SORCS2: variants seen among roughly 807,000 people sequenced by gnomAD.
SORCS2 encodes the protein sortilin related VPS10 domain containing receptor 2.
In SORCS2, 100 loss-of-function variants were observed where a neutral mutation model predicts 141.6. The ratio of observed to expected loss-of-function variants is 0.71; its 90% CI spans 0.60 to 0.83. The LOEUF (loss-of-function observed/expected upper bound fraction) is 0.83. SORCS2 is among the 40% of genes least tolerant of loss of function. The pLI is 0.00. For synonymous variants in SORCS2, 789 were observed against 676.9 expected (o/e 1.17, Z -2.57); for missense variants, 1,646 against 1,560.2 (o/e 1.05, Z -0.93).
At chr4:7,537,970 A>C (rs2109570456) in intron 3 of SORCS2, among the ~76,000 whole-genome samples, 1 of 152,340 alleles carries the variant, frequency 6.6e-6, no homozygotes, top group East Asian at 1.9e-4. Context: ...TGGGCGACAC[A>C]GTGAGACACT....
chr4:7,601,949 T>A (rs946015073), intron 3 of SORCS2, among the ~76,000 whole-genome samples: 6 of 152,080 alleles, frequency 3.9e-5, no homozygotes. Context: ...TAACCCTGAG[T>A]GGACACAGCA....
At chr4:7,599,823 C>CT (rs1370483227) in intron 3 of SORCS2, among the ~76,000 whole-genome samples, 12,263 of 139,030 alleles carry the variant, frequency 0.088, 694 homozygotes, top group African/African-American at 0.16. Flanking sequence ...TTTCTTTTTT[C>CT]TTTTTTTTTT....
chr4:7,355,685 C>T (rs1233293443), intron 1 of SORCS2, among the ~76,000 whole-genome samples: 1 of 152,160 alleles, frequency 6.6e-6, no homozygotes, highest in Non-Finnish European at 1.5e-5. Flanking sequence ...AGGGTCTGGG[C>T]CCCCAGAGCG....
intron 3 of SORCS2, among the ~76,000 whole-genome samples, chr4:7,545,815 G>A (rs551030651): frequency 4.6e-5 from 7 of 152,314 alleles, no homozygotes; most frequent in South Asian, 2.1e-4. Flanking sequence ...CTCTGCCTCC[G>A]TCAGCTCGGA....
chr4:7,688,224 G>T (rs1483102928), intron 10 of SORCS2, among the ~76,000 whole-genome samples: 1 of 152,176 alleles, frequency 6.6e-6, no homozygotes, highest in East Asian at 1.9e-4. Context: ...ATACCGCAAT[G>T]ACGAGGGGAT....
chr4:7,713,452 C>T (rs1035599536), intron 15 of SORCS2, among the ~76,000 whole-genome samples: 3 of 151,776 alleles, frequency 2.0e-5, no homozygotes, highest in Admixed American at 1.3e-4. Context: ...TGTTAAAGCG[C>T]GGGGTGGAAG....
chr4:7,249,899 C>T (rs902293871), intron 1 of SORCS2, among the ~76,000 whole-genome samples: 5 of 152,146 alleles, frequency 3.3e-5, no homozygotes, highest in African/African-American at 9.7e-5. Context: ...GCCCACGGTG[C>T]GTGTGAGCAT....
intron 2 of SORCS2, among the ~76,000 whole-genome samples, chr4:7,517,948 A>G (rs1733091654): frequency 1.3e-5 from 2 of 152,248 alleles, no homozygotes; most frequent in African/African-American, 4.8e-5. Context: ...ATAATGCCAC[A>G]CACGCTGGAC....
chr4:7,412,277 C>T (rs1228739132), intron 2 of SORCS2, among the ~76,000 whole-genome samples: 1 of 152,222 alleles, frequency 6.6e-6, no homozygotes, highest in Non-Finnish European at 1.5e-5. Flanking sequence ...CCGATGGCCA[C>T]CCCCTGGAGT....
intron 2 of SORCS2, among the ~76,000 whole-genome samples, chr4:7,456,364 G>T (rs1728911244): frequency 6.6e-6 from 1 of 152,208 alleles, no homozygotes; most frequent in Admixed American, 6.5e-5. Context: ...CTTCTGCTGA[G>T]GGAAATCACA....
At chr4:7,391,170 A>T (rs1723835594) in intron 1 of SORCS2, among the ~76,000 whole-genome samples, 1 of 152,078 alleles carries the variant, frequency 6.6e-6, no homozygotes, top group African/African-American at 2.4e-5. Flanking sequence ...AGAAGTGCCC[A>T]CTCTGCCAGG....
At chr4:7,556,661 T>TATCC (rs745799254) in intron 3 of SORCS2, among the ~76,000 whole-genome samples, 1 of 151,730 alleles carries the variant, frequency 6.6e-6, no homozygotes, top group African/African-American at 2.4e-5. Flanking sequence ...CCCATCCATC[T>TATCC]ATCCATCCAT....
intron 1 of SORCS2, among the ~76,000 whole-genome samples, chr4:7,273,112 A>G (rs1021193827): frequency 6.6e-6 from 1 of 152,240 alleles, no homozygotes; most frequent in Non-Finnish European, 1.5e-5. Flanking sequence ...AAGGACTTCT[A>G]GTTTTCAACA....
intron 3 of SORCS2, among the ~76,000 whole-genome samples, chr4:7,540,154 C>T (rs528136986): frequency 0.011 from 377 of 35,896 alleles, 2 homozygotes; most frequent in Non-Finnish European, 0.022. Flanking sequence ...CCCTCCCCGC[C>T]CCTGCCTCTC....
chr4:7,571,208 C>A (rs911695826), intron 3 of SORCS2, among the ~76,000 whole-genome samples: 1 of 152,208 alleles, frequency 6.6e-6, no homozygotes, highest in Non-Finnish European at 1.5e-5. Context: ...ATGCTCTCTG[C>A]GCATCGCCCC....
At position 7,302,766 on chromosome 4, in the gene SORCS2, C is replaced by CGTGTGTGT. The variant is rs766083519; in HGVS notation, c.481-93522_481-93521insGTGTGTGT. On this transcript the variant is annotated intron_variant, in intron 1 of 26. Transcript: ENST00000507866. Reference sequence around the variant, plus strand: ...TGTCCGGCATCTAGTAGACAGTCCACATATGTGTGTGTGTGTGTGTGTGCG... The same window carrying CGTGTGTGT: ...TGTCCGGCATCTAGTAGACAGTCCACGTGTGTGTATATGTGTGTGTGTGTGTGTGTGCG... 6.8e-3 allele frequency among the ~76,000 whole-genome samples: 353 copies of CGTGTGTGT among 51,990 alleles called. 5 individuals carry two copies. Among genetic ancestry groups the CGTGTGTGT allele is most frequent in the African/African-American group, 0.014 (331 of 24,138 alleles). 34.1% of individuals were successfully genotyped at this position (51,990 alleles called of 152,430 possible).
intron 3 of SORCS2, among the ~76,000 whole-genome samples, chr4:7,637,350 C>T (rs979000556): frequency 2.6e-5 from 4 of 152,206 alleles, no homozygotes; most frequent in Non-Finnish European, 4.4e-5. Flanking sequence ...CCCGGCTCAG[C>T]GTTCTCCTCT....
intron 3 of SORCS2, among the ~76,000 whole-genome samples, chr4:7,585,890 T>G (rs1035189117): frequency 1.3e-5 from 2 of 152,218 alleles, no homozygotes; most frequent in African/African-American, 4.8e-5. Context: ...TGCAGACATC[T>G]GAAGGGGTTG....
chr4:7,413,391 CTTTTTT>C (rs34379092), intron 2 of SORCS2, among the ~76,000 whole-genome samples: 3 of 84,836 alleles, frequency 3.5e-5, no homozygotes, highest in African/African-American at 8.3e-5. Context: ...TTCACAGCTG[CTTTTTT>C]TTTTTTTTTT....
Sources: allele counts gnomAD v4.1 joint callset (sites outside exome capture counted in the v4.1 genomes callset), GRCh38; gene constraint gnomAD v4.1.1; transcripts MANE v1.5; gene names NCBI Gene and HGNC (gene_info 2026-07-23, HGNC 2026-07-21).